The following POTEF variants were observed in gnomAD, a reference collection of about 807,000 sequenced individuals.
The protein encoded by POTEF is POTE ankyrin domain family member F.
POTEF carries 20 observed loss-of-function variants against 83.2 expected under a neutral mutation model. The observed-to-expected ratio is 0.24, with a 90% confidence interval of 0.17 to 0.35. POTEF has a LOEUF of 0.35. Among genes scored for constraint, POTEF ranks in the 10% least tolerant of loss-of-function variants. POTEF has a pLI of 1.00. For missense variants in POTEF, 550 were observed against 1,203.2 expected (o/e 0.46, Z 8.03); for synonymous variants, 196 against 446.4 (o/e 0.44, Z 7.07).
chr2:130,128,161 T>C (rs979400124), intron 1 of POTEF, among the ~76,000 whole-genome samples: 2 of 148,064 alleles, frequency 1.4e-5, no homozygotes, highest in African/African-American at 2.6e-5. Context: ...CTGGTTCCCA[T>C]TCCTGACACC....
chr2:130,121,904 T>C (rs183525260), intron 2 of POTEF, among the ~76,000 whole-genome samples: 2,935 of 140,788 alleles, frequency 0.021, 178 homozygotes, highest in African/African-American at 0.075. Context: ...TTAGAACATT[T>C]TTATGCTCCT....
Position 130,075,364 on chromosome 2 carries a change from T to A in POTEF, c.2108A>T (p.Asp703Val). ...ALQLNELTMD[D>V]DTAVLVIDNG... ...GTCAATGACGAGCACAGCGGTATCA[T>A]CATCCATGGTGAGCTCATTCAATTG... is the stretch of plus-strand genomic sequence containing the variant. Residue 703 changes from aspartate to valine, a missense_variant, in exon 17 of 17, where the codon GAT becomes GTT. Physicochemically the swap from Asp to Val is radical, Grantham distance 152. Coordinates refer to ENST00000409914, the MANE Select transcript of POTEF (RefSeq NM_001099771.2). 1 of 1,612,230 alleles carries A rather than the reference T, an allele frequency of 6.2e-7. No homozygotes were observed. Among genetic ancestry groups the A allele is most frequent in the South Asian group, 1.1e-5 (1 of 91,014 alleles).
chr2:130,117,757 T>C (rs1356890637), intron 3 of POTEF, among the ~76,000 whole-genome samples: 1 of 151,976 alleles, frequency 6.6e-6, no homozygotes, highest in East Asian at 1.9e-4. Context: ...CTCTATTTGG[T>C]AAAGATATTT....
At position 130,118,340 on chromosome 2, in the gene POTEF, G is replaced by C. The variant is rs374972287; in HGVS notation, c.521+1655C>G. 9.5e-4 allele frequency among the ~76,000 whole-genome samples: 145 copies of C among 151,932 alleles called. 2 individuals are homozygous for C. In the East Asian group the frequency reaches 0.023, roughly 24 times the overall value. On this transcript the variant is annotated intron_variant, in intron 3 of 16. Coordinates refer to ENST00000409914, the MANE Select transcript of POTEF (RefSeq NM_001099771.2). ...AACGCTATCTTTTCCTATGTGCATA[G>C]GTCACTGGTAGATATGCAAAAAAAG...
chr2:130,115,065 T>C lies in POTEF; in HGVS notation c.637-11A>G, dbSNP rs1264837315. On this transcript the variant is annotated splice_polypyrimidine_tract_variant and intron_variant, in intron 4 of 16. Transcript: ENST00000409914. ...CTGGCATTGTACGGCCTGTCAGTAT[T>C]AGACCAAAAACAAATTACAAATCTT... 2.0e-6 allele frequency: 3 copies of C among 1,506,678 alleles called. No homozygotes were observed. Among genetic ancestry groups the C allele is most frequent in the East Asian group, 2.4e-5 (1 of 41,642 alleles). The allele number at this position is 1,506,678 out of a possible 1,614,324, so 93.3% of individuals were successfully genotyped here. A position where few individuals can be genotyped will look rare whatever the true frequency, so the allele number is the denominator to read the frequency against.
At chr2:130,117,184 CAT>C (rs1684866509) in intron 3 of POTEF, among the ~76,000 whole-genome samples, 1 of 151,754 alleles carries the variant, frequency 6.6e-6, no homozygotes, top group Non-Finnish European at 1.5e-5. Flanking sequence ...ATACTTTTTA[CAT>C]GTTAATCTAT....
chr2:130,109,352 A>G (rs1397101465), intron 7 of POTEF: 1 of 142,848 alleles, frequency 7.0e-6, no homozygotes, highest in Non-Finnish European at 1.5e-5. Flanking sequence ...CGTCATGGAC[A>G]AGGCTTGGCT....
intron 3 of POTEF, among the ~76,000 whole-genome samples, chr2:130,118,677 CAG>C (rs1474317026): frequency 1.3e-5 from 2 of 150,694 alleles, no homozygotes; most frequent in East Asian, 2.0e-4. Flanking sequence ...GCCGGGGCAG[CAG>C]AGTCAGACTC....
chr2:130,121,140 C>T (rs993224099), intron 2 of POTEF, among the ~76,000 whole-genome samples: 6 of 151,568 alleles, frequency 4.0e-5, no homozygotes, highest in South Asian at 2.1e-4. Context: ...CGTGCGCGTG[C>T]GGCGTGCTTA....
At chr2:130,126,687 T>C (rs1685100150) in intron 2 of POTEF, among the ~76,000 whole-genome samples, 1 of 152,148 alleles carries the variant, frequency 6.6e-6, no homozygotes, top group Non-Finnish European at 1.5e-5. Flanking sequence ...AGCATAGCTA[T>C]TCAAGTAACT....
chr2:130,083,659 T>C (rs1221574899), intron 15 of POTEF, among the ~76,000 whole-genome samples: 17 of 94,554 alleles, frequency 1.8e-4, no homozygotes, highest in African/African-American at 5.6e-4. Context: ...CTTACCGGCA[T>C]TGAGATCAAG....
intron 2 of POTEF, 186 bp from the exon 3 acceptor site, chr2:130,120,794 A>G (rs1484532360): frequency 2.3e-5 from 12 of 533,252 alleles, no homozygotes; most frequent in Admixed American, 7.2e-5. Flanking sequence ...CAGCCCACCC[A>G]AGGGAATGCC....
intron 2 of POTEF, among the ~76,000 whole-genome samples, chr2:130,123,433 A>G (rs971035586): frequency 6.7e-6 from 1 of 149,212 alleles, no homozygotes; most frequent in African/African-American, 2.4e-5. Flanking sequence ...AAAAATTTGT[A>G]AAGACTATAA....
chr2:130,118,816 A>T (rs1460392782), intron 3 of POTEF, among the ~76,000 whole-genome samples: 2 of 151,536 alleles, frequency 1.3e-5, no homozygotes, highest in African/African-American at 4.9e-5. Flanking sequence ...TATTTTTGTG[A>T]CATAAAAATC....
At chr2:130,114,167 C>T (rs1684782060) in intron 5 of POTEF, among the ~76,000 whole-genome samples, 1 of 149,946 alleles carries the variant, frequency 6.7e-6, no homozygotes, top group Non-Finnish European at 1.5e-5. Flanking sequence ...CAGAGGCCTC[C>T]TAAAATTGAT....
Position 130,075,005 on chromosome 2 carries a change from T to C in POTEF, c.2467A>G (p.Met823Val). 1.2e-6 allele frequency: 2 copies of C among 1,613,336 alleles called. No homozygotes were observed. The highest frequency in any genetic ancestry group is 1.7e-6 in the Non-Finnish European group (2 of 1,179,884). The stretch of plus-strand genomic sequence containing the variant: ...GCTGGGGTGTTGAAGGTCTCAAACA[T>C]GATCTGGGTCATCTTCTCGCGGTTG... ...KANREKMTQI[M>V]FETFNTPAMY... The change falls in exon 17 of 17, where the codon ATG (methionine) becomes GTG (valine). Residue 823 changes from methionine (M) to valine (V), a missense_variant. Coordinates refer to ENST00000409914, the MANE Select transcript of POTEF (RefSeq NM_001099771.2).
chr2:130,125,724 G>C (rs1259435173), intron 2 of POTEF, among the ~76,000 whole-genome samples: 1 of 151,926 alleles, frequency 6.6e-6, no homozygotes, highest in Non-Finnish European at 1.5e-5. Context: ...TGGCCAACAG[G>C]GTGAAACCCC....
chr2:130,109,645 T>G (rs1186409964), intron 7 of POTEF: 1 of 150,748 alleles, frequency 6.6e-6, no homozygotes, highest in Admixed American at 6.6e-5. Flanking sequence ...GACACTGACC[T>G]CCTTCTGCCA....
intron 2 of POTEF, among the ~76,000 whole-genome samples, chr2:130,126,881 T>C (rs888518652): frequency 4.6e-5 from 7 of 150,966 alleles, no homozygotes; most frequent in Non-Finnish European, 1.0e-4. Flanking sequence ...CAAAAGAAAA[T>C]GAAGAGGAAC....
Sources: allele counts gnomAD v4.1 joint callset (sites outside exome capture counted in the v4.1 genomes callset), GRCh38; gene constraint gnomAD v4.1.1; transcripts MANE v1.5; gene names NCBI Gene and HGNC (gene_info 2026-07-23, HGNC 2026-07-21).